CCDC192: variants seen among roughly 807,000 people sequenced by gnomAD.
CCDC192 encodes the protein coiled-coil domain containing 192.
chr5:127,809,415 T>C (rs1291345968), intron 5 of CCDC192, among the ~76,000 whole-genome samples: 1 of 152,006 alleles, frequency 6.6e-6, no homozygotes, highest in Non-Finnish European at 1.5e-5. Flanking sequence ...TCAAGGAAAA[T>C]GATCAAATAA....
chr5:127,935,715 A>C (rs1428648908), intron 6 of CCDC192: 1 of 152,190 alleles, frequency 6.6e-6, no homozygotes, highest in Non-Finnish European at 1.5e-5. Context: ...TGCAGTGATC[A>C]CAAAATTCAG....
chr5:127,748,783 T>C (rs1753941775), intron 2 of CCDC192, among the ~76,000 whole-genome samples: 2 of 146,620 alleles, frequency 1.4e-5, no homozygotes, highest in South Asian at 4.6e-4. Flanking sequence ...TTTTATTTCC[T>C]TGAGCAGTGG....
intron 2 of CCDC192, among the ~76,000 whole-genome samples, chr5:127,736,838 T>C (rs1043292183): frequency 6.7e-6 from 1 of 150,092 alleles, no homozygotes; most frequent in Non-Finnish European, 1.5e-5. Context: ...TTATTAGTCT[T>C]GCTAGCGGTC....
intron 2 of CCDC192, among the ~76,000 whole-genome samples, chr5:127,749,674 T>C (rs1210781427): frequency 6.6e-6 from 1 of 152,154 alleles, no homozygotes; most frequent in Non-Finnish European, 1.5e-5. Context: ...ATTGGAATAG[T>C]TTCAGAAGGA....
At chr5:127,743,225 A>G (rs958286662) in intron 2 of CCDC192, among the ~76,000 whole-genome samples, 7 of 151,590 alleles carry the variant, frequency 4.6e-5, no homozygotes, top group South Asian at 2.1e-4. Context: ...CCTCTCCTCA[A>G]GCTTTCTTTC....
At chr5:127,770,750 T>G (rs1490809487) in intron 3 of CCDC192, among the ~76,000 whole-genome samples, 1 of 152,216 alleles carries the variant, frequency 6.6e-6, no homozygotes, top group African/African-American at 2.4e-5. Flanking sequence ...GCTTGTTTCC[T>G]TTTGAGAGGG....
intron 5 of CCDC192, among the ~76,000 whole-genome samples, chr5:127,835,805 A>G (rs1050757371): frequency 6.6e-6 from 1 of 152,126 alleles, no homozygotes; most frequent in Non-Finnish European, 1.5e-5. Context: ...CCCATGATCA[A>G]ATCACCTCCC....
intron 3 of CCDC192, among the ~76,000 whole-genome samples, chr5:127,788,106 G>A (rs1012948763): frequency 4.0e-5 from 6 of 151,030 alleles, no homozygotes; most frequent in Admixed American, 4.0e-4. Context: ...AAAAAAAAGG[G>A]GGGGACTATT....
intron 6 of CCDC192, among the ~76,000 whole-genome samples, chr5:127,936,087 A>G (rs1003316952): frequency 3.9e-5 from 6 of 152,196 alleles, no homozygotes; most frequent in Admixed American, 2.0e-4. Context: ...CTGGGCAACA[A>G]GAGCGAAACT....
chr5:127,862,910 A>G (rs893789531), intron 5 of CCDC192, among the ~76,000 whole-genome samples: 2 of 143,286 alleles, frequency 1.4e-5, no homozygotes, highest in African/African-American at 5.3e-5. Context: ...TGACAGTAGC[A>G]TAGACTGTTC....
chr5:127,720,058 C>A (rs1340214293), intron 2 of CCDC192, among the ~76,000 whole-genome samples: 1 of 152,122 alleles, frequency 6.6e-6, no homozygotes, highest in Non-Finnish European at 1.5e-5. Context: ...TCTCACATTG[C>A]AAAATACAAT....
At chr5:127,777,166 G>A (rs1437996812) in intron 3 of CCDC192, among the ~76,000 whole-genome samples, 1 of 152,252 alleles carries the variant, frequency 6.6e-6, no homozygotes, top group Non-Finnish European at 1.5e-5. Flanking sequence ...AGCCATGAGG[G>A]AGGCTGTATC....
intron 6 of CCDC192, among the ~76,000 whole-genome samples, chr5:127,915,952 T>G (rs1339111965): frequency 6.6e-6 from 1 of 152,230 alleles, no homozygotes; most frequent in Non-Finnish European, 1.5e-5. Flanking sequence ...GCTGCATTGA[T>G]TAGCTTCCTT....
chr5:127,926,752 A>C (rs1753873325), intron 6 of CCDC192, among the ~76,000 whole-genome samples: 1 of 152,202 alleles, frequency 6.6e-6, no homozygotes, highest in Admixed American at 6.5e-5. Context: ...CTAGAGTTGT[A>C]AATTTGGCAT....
intron 6 of CCDC192, among the ~76,000 whole-genome samples, chr5:127,910,885 T>C (rs1020716876): frequency 6.6e-6 from 1 of 152,132 alleles, no homozygotes; most frequent in Non-Finnish European, 1.5e-5. Flanking sequence ...CTAATTTAGC[T>C]GGAAAATGAA....
At chr5:127,755,020 A>G (rs1338534974) in intron 3 of CCDC192, among the ~76,000 whole-genome samples, 2 of 152,130 alleles carry the variant, frequency 1.3e-5, no homozygotes, top group African/African-American at 4.8e-5. Flanking sequence ...ATAAGATTAT[A>G]CTTTGCAAAT....
chr5:127,724,273 C>G (rs895992411), intron 2 of CCDC192, among the ~76,000 whole-genome samples: 4 of 152,118 alleles, frequency 2.6e-5, no homozygotes. Flanking sequence ...GCTATAAATT[C>G]TAGAACAACC....
At chr5:127,892,040 C>T (rs1752747640) in intron 6 of CCDC192, among the ~76,000 whole-genome samples, 1 of 151,970 alleles carries the variant, frequency 6.6e-6, no homozygotes, top group African/African-American at 2.4e-5. Context: ...TATCAGAGTA[C>T]TATTGGGTTT....
intron 2 of CCDC192, among the ~76,000 whole-genome samples, chr5:127,727,341 G>T (rs776400524): frequency 6.6e-6 from 1 of 152,010 alleles, no homozygotes; most frequent in African/African-American, 2.4e-5. Flanking sequence ...GCATGGTGGC[G>T]CATGCCTGCA....
Sources: allele counts gnomAD v4.1 joint callset (sites outside exome capture counted in the v4.1 genomes callset), GRCh38; gene constraint gnomAD v4.1.1; transcripts MANE v1.5; gene names NCBI Gene and HGNC (gene_info 2026-07-23, HGNC 2026-07-21).